The following SLC2A14 variants were observed in gnomAD, a reference collection of about 807,000 sequenced individuals.
The protein encoded by SLC2A14 is solute carrier family 2 member 14, also known as solute carrier family 2, facilitated glucose transporter member 14.
A neutral mutation model predicts 43.0 loss-of-function variants in SLC2A14; 13 were observed. That is an observed-to-expected ratio of 0.30 (90% CI 0.20 to 0.48). SLC2A14 has a LOEUF of 0.48. Ranked by LOEUF, SLC2A14 falls within the 20% of genes least tolerant of loss-of-function variation. SLC2A14 has a pLI of 0.99. For synonymous variants in SLC2A14, 190 were observed against 233.8 expected, an observed-to-expected ratio of 0.81 and a Z score of 1.71; for missense variants, 428 against 620.4, an observed-to-expected ratio of 0.69 and a Z score of 3.29.
At position 7,879,330 on chromosome 12, in the gene SLC2A14, C is replaced by CAAACAAACA. The variant is rs1555149804; in HGVS notation, c.132+11665_132+11666insTGTTTGTTT. On this transcript the variant is annotated intron_variant, in intron 1 of 9. Transcript: ENST00000539924. ...CTCTGCAAAAAAAAACAAACAACAA[C>CAAACAAACA]AAAAAAAAACAAAAGTTGCACCCCA... 3.0e-4 allele frequency among the ~76,000 whole-genome samples: 43 copies of CAAACAAACA among 144,746 alleles called. 1 individual carries two copies. The highest frequency in any genetic ancestry group is 7.7e-5 in the African/African-American group (3 of 38,840). 95.0% of individuals were successfully genotyped at this position (144,746 alleles called of 152,430 possible).
intron 2 of SLC2A14, among the ~76,000 whole-genome samples, chr12:7,864,807 G>A (rs2121024324): frequency 6.6e-6 from 1 of 152,210 alleles, no homozygotes; most frequent in African/African-American, 2.4e-5. Flanking sequence ...AGCCGACCCA[G>A]GCTCTAATCA....
At chr12:7,845,267 A>C (rs756909259) in intron 2 of SLC2A14, among the ~76,000 whole-genome samples, 20 of 152,272 alleles carry the variant, frequency 1.3e-4, no homozygotes, top group African/African-American at 4.8e-4. Context: ...ACAGCTTGCA[A>C]ATGGCAGAGA....
At position 7,814,419 on chromosome 12, in the gene SLC2A14, C is replaced by G; in HGVS notation, c.1391G>C (p.Arg464Pro). 1 of 1,613,172 alleles carries G rather than the reference C, an allele frequency of 6.2e-7. No individual in the cohort carries two copies. Among genetic ancestry groups the G allele is most frequent in the South Asian group, 1.1e-5 (1 of 90,996 alleles). The change falls in exon 11 of 11, where the codon CGG becomes CCG. Residue 464 changes from arginine (R) to proline (P), a missense_variant. By Grantham distance (103) the Arg-to-Pro change is moderately radical (BLOSUM62 -2). Coordinates refer to ENST00000431042, the MANE Select transcript of SLC2A14 (RefSeq NM_001286234.2). The part of the protein sequence containing the change: ...TRGRTFEDIT[R>P]AFEGQAHGAD... Reference sequence around the variant, plus strand: ...ACCGTGTGCCTGCCCTTCAAAGGCCCGTGTGATATCCTCAAAAGTCCTGCC... The same window carrying G: ...ACCGTGTGCCTGCCCTTCAAAGGCCGGTGTGATATCCTCAAAAGTCCTGCC...
At chr12:7,881,793 C>A (rs141341034) in intron 1 of SLC2A14, among the ~76,000 whole-genome samples, 486 of 152,292 alleles carry the variant, frequency 3.2e-3, no homozygotes, top group African/African-American at 0.011. Context: ...ATTGTAAATA[C>A]ACCAATCGGC....
chr12:7,860,479 G>A (rs1944488095), intron 2 of SLC2A14: 2 of 152,082 alleles, frequency 1.3e-5, no homozygotes, highest in African/African-American at 4.8e-5. Flanking sequence ...GGAACCAGAG[G>A]TGATAATTCA....
At position 7,831,666 on chromosome 12, in the gene SLC2A14, T is replaced by C. The variant is rs1193756614; in HGVS notation, c.210A>G (p.Ile70Met). ...AGCCGATCATACCCCCGACGGAAAA[T>C]ATGGCCACAGACAAGGACCAGAGAT... ...LTNLWSLSVAIFSVGGMIGSF... is the reference protein window; with the variant it reads ...LTNLWSLSVAMFSVGGMIGSF... Residue 70 changes from isoleucine (I) to methionine (M), a missense_variant, in exon 4 of 11, where the codon ATA becomes ATG. By Grantham distance (10) the Ile-to-Met change is conservative. Coordinates refer to ENST00000431042, the MANE Select transcript of SLC2A14 (RefSeq NM_001286234.2). 1.2e-6 allele frequency: 2 copies of C among 1,613,876 alleles called. No homozygotes were observed. The highest frequency in any genetic ancestry group is 1.7e-5 in the Admixed American group (1 of 59,966).
At chr12:7,832,934 C>A in intron 2 of SLC2A14, 120 bp from the exon 3 acceptor site, 1 of 855,604 alleles carries the variant, frequency 1.2e-6, no homozygotes, top group Non-Finnish European at 1.8e-6. Context: ...ATGAAAAGGA[C>A]AAACATCAAA....
upstream of SLC2A14, among the ~76,000 whole-genome samples, chr12:7,877,466 C>T (rs1305293425): frequency 2.0e-5 from 3 of 151,616 alleles, no homozygotes; most frequent in African/African-American, 7.3e-5. Context: ...GCCCTTGTTG[C>T]CCGGGCTAGA....
At chr12:7,824,008 C>T (rs576250063) in intron 7 of SLC2A14, among the ~76,000 whole-genome samples, 97 of 152,298 alleles carry the variant, frequency 6.4e-4, no homozygotes, top group Admixed American at 1.0e-3. Context: ...GTAATCCCAG[C>T]ACATTGGGAG....
Position 7,813,989 on chromosome 12 carries a change from C to T in SLC2A14, c.*327G>A, listed in dbSNP as rs1863220827. On this transcript the variant is annotated 3_prime_UTR_variant, in exon 11 of 11. Transcript: ENST00000431042. ...GCAACTGCACCTTACTTTTCCTCTCCTATATCCTCTAGTGCGGCAATATCA... is the reference window on the plus strand; with the variant it reads ...GCAACTGCACCTTACTTTTCCTCTCTTATATCCTCTAGTGCGGCAATATCA... 1.2e-5 allele frequency: 4 copies of T among 340,078 alleles called. No homozygotes were observed. Among genetic ancestry groups the T allele is most frequent in the Non-Finnish European group, 2.3e-5 (4 of 175,814 alleles). 21.1% of individuals were successfully genotyped at this position (340,078 alleles called of 1,614,324 possible).
rs773967109 is a variant in SLC2A14 at position 7,879,456 on chromosome 12, C to T, written c.132+11540G>A. On this transcript the variant is annotated intron_variant, in intron 1 of 9. Coordinates refer to the SLC2A14 transcript ENST00000539924. The stretch of plus-strand genomic sequence containing the variant: ...CAGCACTTTGGTAGGCCAAGGGGAG[C>T]GGATCAACTGAGGTCAGGAGTTCAA... 9.2e-5 allele frequency among the ~76,000 whole-genome samples: 14 copies of T among 151,724 alleles called. 1 individual carries two copies. Among genetic ancestry groups the T allele is most frequent in the East Asian group, 1.9e-4 (1 of 5,170 alleles).
rs60468169 is a variant in SLC2A14, at chr12:7,831,124, C to CA, written c.272+479dup. 312 of 120,292 alleles carry CA rather than the reference C, an allele frequency of 2.6e-3. 2 individuals are homozygous for CA. Among genetic ancestry groups the CA allele is most frequent in the East Asian group, 8.5e-3 (36 of 4,242 alleles). 7.5% of individuals were successfully genotyped at this position (120,292 alleles called of 1,614,324 possible). On this transcript the variant is annotated intron_variant, in intron 4 of 10. Transcript: ENST00000431042. ...AGGTGACAAGAGCAAGACTCCATCTCAAAAAAAAAAAAAAAGACGATTCAG... is the reference window on the plus strand; with the variant it reads ...AGGTGACAAGAGCAAGACTCCATCTCAAAAAAAAAAAAAAAAGACGATTCAG...
At chr12:7,835,152 A>C (rs888343264) in intron 2 of SLC2A14, among the ~76,000 whole-genome samples, 21 of 152,040 alleles carry the variant, frequency 1.4e-4, no homozygotes, top group African/African-American at 4.8e-4. Context: ...ATTTCAAAAC[A>C]GAGTAAGTTA....
chr12:7,847,345 C>T (rs1273383001), intron 2 of SLC2A14, among the ~76,000 whole-genome samples: 3 of 152,046 alleles, frequency 2.0e-5, no homozygotes, highest in Non-Finnish European at 4.4e-5. Flanking sequence ...TTTCTTTGTT[C>T]CTTTTCCACT....
intron 2 of SLC2A14, among the ~76,000 whole-genome samples, chr12:7,849,360 C>T (rs1303840772): frequency 2.0e-5 from 3 of 151,872 alleles, no homozygotes; most frequent in East Asian, 2.0e-4. Context: ...AATAATTAGC[C>T]AGGTGTGGTG....
In SLC2A14 at chr12:7,886,151, C is replaced by CTTTTTTTTTTTTTTTTTTT. The variant is rs3044922; in HGVS notation, c.132+4826_132+4844dup. 1.6e-4 allele frequency among the ~76,000 whole-genome samples: 7 copies of CTTTTTTTTTTTTTTTTTTT among 44,730 alleles called. 2 individuals are homozygous for CTTTTTTTTTTTTTTTTTTT. The highest frequency in any genetic ancestry group is 2.7e-4 in the Non-Finnish European group (7 of 25,748). 29.3% of individuals were successfully genotyped at this position (44,730 alleles called of 152,430 possible). Reference sequence around the variant, plus strand: ...GGCATGTACCACCACGCCCGGACAGCTTTTTTTTTTTTTTTTTTTTTTTTT... The same window carrying CTTTTTTTTTTTTTTTTTTT: ...GGCATGTACCACCACGCCCGGACAGCTTTTTTTTTTTTTTTTTTTTTTTTTTTTTTTTTTTTTTTTTTTT... On this transcript the variant is annotated intron_variant, in intron 1 of 9. Transcript: ENST00000539924.
chr12:7,818,337 C>T (rs1345202684), intron 9 of SLC2A14, among the ~76,000 whole-genome samples: 1 of 152,176 alleles, frequency 6.6e-6, no homozygotes, highest in South Asian at 2.1e-4. Context: ...GCATGTGCCA[C>T]CACACCTGGC....
chr12:7,877,633 C>T (rs1296599364), upstream of SLC2A14, among the ~76,000 whole-genome samples: 2 of 151,954 alleles, frequency 1.3e-5, no homozygotes, highest in Middle Eastern at 3.4e-3. Context: ...CCACGTTGGC[C>T]AGTCTGGTCT....
intron 7 of SLC2A14, among the ~76,000 whole-genome samples, chr12:7,825,797 A>G (rs1864313229): frequency 1.3e-5 from 1 of 77,740 alleles, no homozygotes; most frequent in Admixed American, 1.6e-4. Flanking sequence ...AAAAGAAAAG[A>G]AAGAAAGAAA....
Sources: gnomAD v4.1 joint callset for allele counts (sites outside exome capture counted in the v4.1 genomes callset) on GRCh38, gnomAD v4.1.1 for gene constraint, MANE v1.5 for transcripts, NCBI Gene and HGNC (gene_info 2026-07-23, HGNC 2026-07-21) for gene names.